The following SPSB1 variants were observed in gnomAD, a reference collection of about 807,000 sequenced individuals.
SPSB1 encodes the protein splA/ryanodine receptor domain and SOCS box containing 1, also known as SPRY domain-containing SOCS box protein 1.
In SPSB1, 8 loss-of-function variants were observed where a neutral mutation model predicts 21.2. That is an observed-to-expected ratio of 0.38 (90% CI 0.22 to 0.68). SPSB1 has a LOEUF of 0.68. SPSB1 is among the 30% of genes least tolerant of loss of function. The probability of loss-of-function intolerance (pLI) is 0.53; values close to 1 mark genes in which losing one functional copy is unlikely to be tolerated. For synonymous variants in SPSB1, 169 were observed against 161.7 expected (o/e 1.05, Z -0.34); for missense variants, 242 against 377.8 (o/e 0.64, Z 2.98).
chr1:9,357,117 A>ATGGATGGGTGGG (rs1640378907), intron 2 of SPSB1, among the ~76,000 whole-genome samples: 1 of 83,150 alleles, frequency 1.2e-5, no homozygotes, highest in East Asian at 5.6e-4. Context: ...GGATGAGTGG[A>ATGGATGGGTGGG]TGGATGGATG....
chr1:9,297,128 T>G (rs1639237657), intron 1 of SPSB1, among the ~76,000 whole-genome samples: 1 of 152,128 alleles, frequency 6.6e-6, no homozygotes, highest in South Asian at 2.1e-4. Context: ...GATGTGACTG[T>G]GAGAATGGTT....
At chr1:9,360,088 T>C (rs1640444969) in intron 2 of SPSB1, among the ~76,000 whole-genome samples, 1 of 151,464 alleles carries the variant, frequency 6.6e-6, no homozygotes. Flanking sequence ...GAGCGGTCAG[T>C]GGGGGAGTTG....
chr1:9,332,457 G>A (rs997621655), intron 1 of SPSB1, among the ~76,000 whole-genome samples: 1 of 152,178 alleles, frequency 6.6e-6, no homozygotes, highest in African/African-American at 2.4e-5. Context: ...CATTGTAGAG[G>A]CCAGGAGGGG....
At chr1:9,302,151 C>T (rs139527079) in intron 1 of SPSB1, among the ~76,000 whole-genome samples, 1 of 152,304 alleles carries the variant, frequency 6.6e-6, no homozygotes, top group African/African-American at 2.4e-5. Context: ...TTGTTATTGC[C>T]TTTATTTGGA....
At chr1:9,314,182 AAAAAAC>A (rs1468111611) in intron 1 of SPSB1, among the ~76,000 whole-genome samples, 2 of 151,300 alleles carry the variant, frequency 1.3e-5, no homozygotes, top group African/African-American at 2.4e-5. Flanking sequence ...TCTCAAAAAA[AAAAAAC>A]AAAAAACAAA....
Position 9,317,384 on chromosome 1 carries a change from G to A in SPSB1, c.-150+24313G>A, listed in dbSNP as rs75776157. On this transcript the variant is annotated intron_variant, in intron 1 of 2. Coordinates refer to ENST00000328089, the MANE Select transcript of SPSB1 (RefSeq NM_025106.4). The surrounding 1 kb of genome is among the most constrained non-coding windows in gnomAD (Gnocchi z 4.3). ...TAAGTGCTTGATAAAAGTCATCACC[G>A]AAATCAATCTGACTCCAGGATTTGG... Among the ~76,000 whole-genome samples the A allele has an allele frequency of 0.018, 2,743 of 152,272 alleles. 87 individuals are homozygous for A. Among genetic ancestry groups the A allele is most frequent in the African/African-American group, 0.063 (2,607 of 41,532 alleles).
At chr1:9,311,719 C>G (rs182582357) in intron 1 of SPSB1, among the ~76,000 whole-genome samples, 1 of 152,008 alleles carries the variant, frequency 6.6e-6, no homozygotes, top group Admixed American at 6.6e-5. Flanking sequence ...ATGTTTCTGC[C>G]GGGGGTTGCC....
intron 1 of SPSB1, among the ~76,000 whole-genome samples, chr1:9,329,244 G>GA (rs1639874574): frequency 6.6e-6 from 1 of 152,162 alleles, no homozygotes; most frequent in Admixed American, 6.5e-5. Flanking sequence ...TGGGTGGGGG[G>GA]AAATGCAGCT....
intron 1 of SPSB1, among the ~76,000 whole-genome samples, chr1:9,299,334 C>G (rs542386129): frequency 6.2e-4 from 94 of 152,318 alleles, no homozygotes; most frequent in Admixed American, 1.0e-3. Context: ...GATCACCTTT[C>G]CCTTCCACAG....
At chr1:9,353,611 C>T (rs1463274401) in intron 1 of SPSB1, among the ~76,000 whole-genome samples, 2 of 152,118 alleles carry the variant, frequency 1.3e-5, no homozygotes, top group Non-Finnish European at 2.9e-5. Flanking sequence ...GATGACCGTG[C>T]CCCTGAGATC....
intron 1 of SPSB1, among the ~76,000 whole-genome samples, chr1:9,335,140 A>G (rs1269658161): frequency 1.3e-5 from 2 of 151,586 alleles, no homozygotes; most frequent in East Asian, 3.9e-4. Context: ...CAGGGCCTGT[A>G]AAATGCACCA....
intron 1 of SPSB1, among the ~76,000 whole-genome samples, chr1:9,343,196 C>T (rs1640116431): frequency 6.6e-6 from 1 of 152,126 alleles, no homozygotes; most frequent in Non-Finnish European, 1.5e-5. Flanking sequence ...GTTTCATCAC[C>T]CCTAAAAGAG....
At chr1:9,303,014 C>CG (rs947070271) in intron 1 of SPSB1, among the ~76,000 whole-genome samples, 2 of 152,102 alleles carry the variant, frequency 1.3e-5, no homozygotes, top group Admixed American at 6.5e-5. Flanking sequence ...TTCCATTGAA[C>CG]GGGGGGTAAG....
chr1:9,339,912 C>G (rs1368945747), intron 1 of SPSB1, among the ~76,000 whole-genome samples: 2 of 152,188 alleles, frequency 1.3e-5, no homozygotes, highest in African/African-American at 4.8e-5. Flanking sequence ...TTAGGATTGG[C>G]TTGGAGAGGG....
At chr1:9,343,996 G>A (rs915797341) in intron 1 of SPSB1, among the ~76,000 whole-genome samples, 2 of 152,170 alleles carry the variant, frequency 1.3e-5, no homozygotes, top group East Asian at 1.9e-4. Context: ...CACCGTGTTA[G>A]CCAGGATGGT....
chr1:9,306,827 G>T (rs1384128242), intron 1 of SPSB1, among the ~76,000 whole-genome samples: 2 of 152,184 alleles, frequency 1.3e-5, no homozygotes, highest in Non-Finnish European at 2.9e-5. Context: ...GCTAAGGAGA[G>T]AAAGTAAAGT....
chr1:9,331,321 G>GT (rs34199175), intron 1 of SPSB1, among the ~76,000 whole-genome samples: 20,964 of 53,630 alleles, frequency 0.39, 7,521 homozygotes, highest in Non-Finnish European at 0.45. Flanking sequence ...TGGTGCTCTT[G>GT]TTTTTTTTTT....
chr1:9,330,454 A>C (rs1639895412), intron 1 of SPSB1, among the ~76,000 whole-genome samples: 1 of 142,600 alleles, frequency 7.0e-6, no homozygotes. Context: ...GACAGGAGCT[A>C]AATTCTGTCT....
intron 1 of SPSB1, among the ~76,000 whole-genome samples, chr1:9,335,166 C>T (rs888942809): frequency 6.6e-6 from 1 of 152,004 alleles, no homozygotes; most frequent in Non-Finnish European, 1.5e-5. Context: ...TAAAATGGTG[C>T]ATTTTCATTG....
Sources: allele counts gnomAD v4.1 joint callset (sites outside exome capture counted in the v4.1 genomes callset), GRCh38; gene constraint gnomAD v4.1.1; non-coding constraint Gnocchi (gnomAD v3.1); transcripts MANE v1.5; gene names NCBI Gene and HGNC (gene_info 2026-07-23, HGNC 2026-07-21).